Variants in NRXN1 observed in about 807,000 individuals in gnomAD.
NRXN1 encodes neurexin 1.
A neutral mutation model predicts 150.9 loss-of-function variants in NRXN1; 39 were observed. The ratio of observed to expected loss-of-function variants is 0.26; its 90% CI spans 0.20 to 0.34. The LOEUF is 0.34. Among genes scored for constraint, NRXN1 ranks in the 10% least tolerant of loss-of-function variants. The probability of loss-of-function intolerance (pLI) is 1.00; values close to 1 mark genes in which losing one functional copy is unlikely to be tolerated. For missense variants in NRXN1, 1,815 were observed against 1,949.9 expected, an observed-to-expected ratio of 0.93 and a Z score of 1.30; for synonymous variants, 924 against 757.0, an observed-to-expected ratio of 1.22 and a Z score of -3.62.
chr2:50,936,920 CGAATCATTGGA>C (rs1014430997), intron 2 of NRXN1, among the ~76,000 whole-genome samples: 3 of 151,924 alleles, frequency 2.0e-5, no homozygotes, highest in African/African-American at 7.3e-5. Context: ...TAAGAAACTA[CGAATCATTGGA>C]GAATCTAGGC....
At chr2:49,980,453 G>A (rs1679812063) in intron 21 of NRXN1, among the ~76,000 whole-genome samples, 2 of 152,240 alleles carry the variant, frequency 1.3e-5, no homozygotes, top group African/African-American at 4.8e-5. Context: ...AAATAGAAAG[G>A]AAAGTTGGTA....
chr2:49,987,821 T>A (rs1475085864), intron 21 of NRXN1, among the ~76,000 whole-genome samples: 2 of 152,176 alleles, frequency 1.3e-5, no homozygotes, highest in African/African-American at 4.8e-5. Flanking sequence ...AGAGAAGTTA[T>A]TATTATACAT....
intron 17 of NRXN1, among the ~76,000 whole-genome samples, chr2:50,278,277 A>T (rs373369866): frequency 6.1e-5 from 4 of 65,578 alleles, no homozygotes; most frequent in South Asian, 3.9e-4. Context: ...TATATGTATT[A>T]TATATATAAT....
intron 21 of NRXN1, among the ~76,000 whole-genome samples, chr2:49,962,991 C>G (rs1200529555): frequency 6.6e-6 from 1 of 151,714 alleles, no homozygotes; most frequent in Non-Finnish European, 1.5e-5. Flanking sequence ...AAAATGAAAA[C>G]AAAATACAAA....
intron 17 of NRXN1, among the ~76,000 whole-genome samples, chr2:50,282,602 C>G (rs2071606920): frequency 1.3e-5 from 2 of 152,064 alleles, no homozygotes; most frequent in African/African-American, 4.8e-5. Context: ...CCCCAAAATT[C>G]TGAGGGACTA....
intron 5 of NRXN1, among the ~76,000 whole-genome samples, chr2:50,914,102 C>A (rs1263173558): frequency 1.3e-5 from 2 of 151,602 alleles, no homozygotes; most frequent in Non-Finnish European, 3.0e-5. Context: ...CTTTTTAATT[C>A]GAAGATTTCC....
intron 5 of NRXN1, among the ~76,000 whole-genome samples, chr2:50,653,003 T>G (rs554075424): frequency 1.4e-4 from 21 of 152,040 alleles, no homozygotes; most frequent in Non-Finnish European, 2.8e-4. Flanking sequence ...CTCGTTTTAG[T>G]ATTCCTTGAC....
rs534542509 is a variant in NRXN1, at chr2:50,054,199, T to G, written c.3809-609A>C. On this transcript the variant is annotated intron_variant, in intron 20 of 22. Coordinates refer to ENST00000401669, the MANE Select transcript of NRXN1 (RefSeq NM_001330078.2). ...GTCAGAGACAAAAAAATTCCAAAAA[T>G]ATTTTTCTGATTGGCTTTCAGCAAG... Among the ~76,000 whole-genome samples, 85 of 151,946 alleles carry G rather than the reference T, an allele frequency of 5.6e-4. 1 individual carries two copies. The highest frequency in any genetic ancestry group is 1.9e-3 in the African/African-American group (80 of 41,408).
chr2:50,703,031 A>C (rs1455824795), intron 5 of NRXN1, among the ~76,000 whole-genome samples: 1 of 152,150 alleles, frequency 6.6e-6, no homozygotes. Flanking sequence ...ACAAACAAAC[A>C]CAAAAACTGG....
In NRXN1 at chr2:50,347,109, C is replaced by G; in HGVS notation, c.3365-110139G>C. On this transcript the variant is annotated intron_variant, in intron 17 of 22. Coordinates refer to ENST00000401669, the MANE Select transcript of NRXN1 (RefSeq NM_001330078.2). The surrounding 1 kb of genome is among the most constrained non-coding windows in gnomAD (Gnocchi z 4.9). ...CTCTCCCTCCTTCGGACAGTCTTCTCGGGGTCCTGGAGTCCGCCGTGCCTA... is the reference window on the plus strand; with the variant it reads ...CTCTCCCTCCTTCGGACAGTCTTCTGGGGGTCCTGGAGTCCGCCGTGCCTA... The G allele has an allele frequency of 7.2e-7, 1 of 1,386,450 alleles. No individual in the cohort carries two copies. Among genetic ancestry groups the G allele is most frequent in the Non-Finnish European group, 9.5e-7 (1 of 1,053,272 alleles). The allele number at this position is 1,386,450 out of a possible 1,614,324, so 85.9% of individuals were successfully genotyped here.
At chr2:50,772,200 G>A (rs1030190205) in intron 5 of NRXN1, among the ~76,000 whole-genome samples, 4 of 151,690 alleles carry the variant, frequency 2.6e-5, no homozygotes, top group Admixed American at 6.6e-5. Flanking sequence ...ATGCCTGGGC[G>A]CAACCCAACC....
In NRXN1 at chr2:50,925,934, C is replaced by A. The variant is rs756321416; in HGVS notation, c.790+4G>T. On this transcript the variant is annotated splice_donor_region_variant and intron_variant, in intron 3 of 22. Coordinates refer to ENST00000401669, the MANE Select transcript of NRXN1 (RefSeq NM_001330078.2). The stretch of plus-strand genomic sequence containing the variant: ...GTTGGAAAAATAAGGTAGAAAGCAC[C>A]CACCTTCCACATTGTTGTCTTCTGA... The A allele has an allele frequency of 1.3e-6, 2 of 1,572,236 alleles. No individual in the cohort carries two copies. Among genetic ancestry groups the A allele is most frequent in the Non-Finnish European group, 1.7e-6 (2 of 1,157,176 alleles).
chr2:50,415,070 T>G (rs999024065), intron 17 of NRXN1, among the ~76,000 whole-genome samples: 10 of 151,974 alleles, frequency 6.6e-5, no homozygotes, highest in African/African-American at 9.7e-5. Flanking sequence ...CATGAAGGAG[T>G]AAAGACAATG....
intron 5 of NRXN1, among the ~76,000 whole-genome samples, chr2:50,723,754 G>A (rs1696969183): frequency 6.6e-6 from 1 of 152,158 alleles, no homozygotes; most frequent in African/African-American, 2.4e-5. Flanking sequence ...CGTGGTCAGG[G>A]TACCAACAGG....
At chr2:50,187,710 T>A (rs1276808268) in intron 18 of NRXN1, among the ~76,000 whole-genome samples, 2 of 152,136 alleles carry the variant, frequency 1.3e-5, no homozygotes, top group African/African-American at 2.4e-5. Flanking sequence ...CAATATTGAT[T>A]CTTCTTATCC....
At chr2:50,115,694 G>T (rs990024) in intron 18 of NRXN1, among the ~76,000 whole-genome samples, 123,484 of 151,868 alleles carry the variant, frequency 0.81, 50,715 homozygotes, top group African/African-American at 0.94. Flanking sequence ...AGAAAGAGAA[G>T]TCCAGGTGGG....
At chr2:50,955,738 C>G (rs1262602687) in intron 2 of NRXN1, among the ~76,000 whole-genome samples, 1 of 152,110 alleles carries the variant, frequency 6.6e-6, no homozygotes, top group African/African-American at 2.4e-5. Flanking sequence ...TTACATTTCC[C>G]AAGAACATAT....
At chr2:50,750,042 G>C (rs1288266162) in intron 5 of NRXN1, among the ~76,000 whole-genome samples, 1 of 152,066 alleles carries the variant, frequency 6.6e-6, no homozygotes, top group Non-Finnish European at 1.5e-5. Context: ...TCTCAGTCTT[G>C]TCAAGATGCA....
chr2:50,472,112 T>C (rs555062766), intron 16 of NRXN1, among the ~76,000 whole-genome samples, 186 bp downstream of exon 16: 1 of 151,926 alleles, frequency 6.6e-6, no homozygotes, highest in East Asian at 1.9e-4. Flanking sequence ...GGCATTAATG[T>C]AGGCTTGCAA....
Sources: allele counts gnomAD v4.1 joint callset (sites outside exome capture counted in the v4.1 genomes callset), GRCh38; gene constraint gnomAD v4.1.1; non-coding constraint Gnocchi (gnomAD v3.1); transcripts MANE v1.5; gene names NCBI Gene and HGNC (gene_info 2026-07-23, HGNC 2026-07-21).